The following DPYS variants were observed in gnomAD, a reference collection of about 807,000 sequenced individuals.
The protein encoded by DPYS is dihydropyrimidine amidohydrolase.
DPYS carries 39 observed loss-of-function variants against 50.3 expected under a neutral mutation model. The ratio of observed to expected loss-of-function variants is 0.78; its 90% CI spans 0.60 to 1.01. The LOEUF (loss-of-function observed/expected upper bound fraction) is 1.01. Ranked by LOEUF, DPYS falls within the 50% of genes least tolerant of loss-of-function variation. The pLI is 0.00. For missense variants in DPYS, 659 were observed against 680.9 expected, an observed-to-expected ratio of 0.97 and a Z score of 0.36; for synonymous variants, 245 against 250.7, an observed-to-expected ratio of 0.98 and a Z score of 0.22.
At chr8:104,419,809 T>C (rs1295483162) in intron 7 of DPYS, 2 of 152,100 alleles carry the variant, frequency 1.3e-5, no homozygotes, top group African/African-American at 2.4e-5. Flanking sequence ...GACCACTAAA[T>C]GTAATATTAA....
At chr8:104,407,597 C>T (rs1009691665) in intron 7 of DPYS, among the ~76,000 whole-genome samples, 2 of 152,180 alleles carry the variant, frequency 1.3e-5, no homozygotes, top group South Asian at 2.1e-4. Flanking sequence ...TTCTTTTAGG[C>T]CATGCATACA....
At chr8:104,393,339 C>T (rs1027902771) in intron 7 of DPYS, among the ~76,000 whole-genome samples, 41 of 152,004 alleles carry the variant, frequency 2.7e-4, no homozygotes, top group African/African-American at 8.0e-4. Flanking sequence ...TATTTTTAAA[C>T]GCAGATGACT....
intron 8 of DPYS, among the ~76,000 whole-genome samples, chr8:104,386,406 G>T (rs756844062): frequency 8.6e-5 from 13 of 151,664 alleles, no homozygotes; most frequent in Non-Finnish European, 1.8e-4. Flanking sequence ...GGTGGCCTAC[G>T]CCTGTAGTCC....
chr8:104,453,926 G>A (rs1423044557), intron 1 of DPYS, among the ~76,000 whole-genome samples: 1 of 152,220 alleles, frequency 6.6e-6, no homozygotes, highest in Non-Finnish European at 1.5e-5. Flanking sequence ...GATGCTAAGT[G>A]AGAAAAGCTA....
chr8:104,453,703 AG>A (rs1813832956), intron 1 of DPYS, among the ~76,000 whole-genome samples: 1 of 152,264 alleles, frequency 6.6e-6, no homozygotes, highest in Admixed American at 6.5e-5. Context: ...CCTATAGCCA[AG>A]AGAAATGAAA....
At chr8:104,442,066 T>C (rs994676325) in intron 4 of DPYS, among the ~76,000 whole-genome samples, 4 of 152,196 alleles carry the variant, frequency 2.6e-5, no homozygotes, top group African/African-American at 9.6e-5. Flanking sequence ...ATAAAAATCA[T>C]TACTTATACT....
At chr8:104,388,644 A>G (rs959873317) in intron 8 of DPYS, among the ~76,000 whole-genome samples, 2 of 152,150 alleles carry the variant, frequency 1.3e-5, no homozygotes, top group Non-Finnish European at 2.9e-5. Context: ...AAGTTGAAAT[A>G]TATTCTATTA....
Position 104,395,855 on chromosome 8 carries a change from A to G in DPYS, c.1236-2864T>C, listed in dbSNP as rs1811567359. ...TTTAAGTGTATGCTGCAGCAAAAAA[A>G]AAAAAAGAGCTTTCAGTGACCTTAG... On this transcript the variant is annotated intron_variant, in intron 7 of 9. Transcript: ENST00000351513. Among the ~76,000 whole-genome samples the G allele has an allele frequency of 2.0e-5, 3 of 152,300 alleles. No homozygotes were observed. The South Asian group carries it at 6.2e-4, about 32-fold the overall frequency.
At chr8:104,429,939 T>C (rs1395439665) in intron 4 of DPYS, among the ~76,000 whole-genome samples, 1 of 152,194 alleles carries the variant, frequency 6.6e-6, no homozygotes, top group African/African-American at 2.4e-5. Flanking sequence ...TCCATTTTTA[T>C]GGCCATATAA....
At chr8:104,464,904 G>A (rs1814305339) in intron 1 of DPYS, among the ~76,000 whole-genome samples, 1 of 152,096 alleles carries the variant, frequency 6.6e-6, no homozygotes, top group Middle Eastern at 3.2e-3. Flanking sequence ...TTACTTTTTA[G>A]CAAAAGGGAA....
intron 4 of DPYS, among the ~76,000 whole-genome samples, chr8:104,440,511 C>T (rs895681830): frequency 3.9e-5 from 6 of 152,130 alleles, no homozygotes; most frequent in Non-Finnish European, 5.9e-5. Flanking sequence ...GTGATCCACC[C>T]GCCCCGGCCT....
Position 104,433,961 on chromosome 8 carries a change from C to G in DPYS, c.794-4260G>C, listed in dbSNP as rs1273630299. Among the ~76,000 whole-genome samples, 5 of 152,172 alleles carry G rather than the reference C, an allele frequency of 3.3e-5. No homozygotes were observed. The East Asian group carries it at 9.7e-4, about 29-fold the overall frequency. On this transcript the variant is annotated intron_variant, in intron 4 of 9. Transcript: ENST00000351513. ...TGTAAAATATTTGAAGAGATTCATT[C>G]TAAGGCAAATATGAGTAACCAATGG...
chr8:104,436,863 C>T (rs978744443), intron 4 of DPYS, among the ~76,000 whole-genome samples: 1 of 151,352 alleles, frequency 6.6e-6, no homozygotes, highest in Non-Finnish European at 1.5e-5. Context: ...AATAAAGTAC[C>T]AAATTATTTT....
At chr8:104,426,239 G>T (rs2140630151) in intron 6 of DPYS, among the ~76,000 whole-genome samples, 1 of 152,250 alleles carries the variant, frequency 6.6e-6, no homozygotes, top group African/African-American at 2.4e-5. Flanking sequence ...CAAGTAAAGG[G>T]TTTTTGAGAG....
intron 8 of DPYS, among the ~76,000 whole-genome samples, chr8:104,389,277 T>C (rs1318465292): frequency 6.6e-6 from 1 of 152,216 alleles, no homozygotes; most frequent in Non-Finnish European, 1.5e-5. Context: ...ATCTGAATAT[T>C]TGAAATGAAA....
chr8:104,394,340 T>A (rs1811506272), intron 7 of DPYS, among the ~76,000 whole-genome samples: 1 of 152,122 alleles, frequency 6.6e-6, no homozygotes, highest in Admixed American at 6.6e-5. Context: ...AATCCCAACA[T>A]GCTCAGACAG....
At chr8:104,382,256 G>C (rs1811077004) in intron 8 of DPYS, among the ~76,000 whole-genome samples, 1 of 152,122 alleles carries the variant, frequency 6.6e-6, no homozygotes, top group Admixed American at 6.6e-5. Flanking sequence ...ACTGCATCGG[G>C]TGTGCACTGA....
intron 1 of DPYS, among the ~76,000 whole-genome samples, chr8:104,456,459 A>G (rs985740980): frequency 3.3e-5 from 5 of 152,178 alleles, no homozygotes; most frequent in African/African-American, 9.7e-5. Flanking sequence ...CCACCTTCCT[A>G]ATTAACTAGG....
At chr8:104,416,106 C>T (rs1357960219) in intron 7 of DPYS, among the ~76,000 whole-genome samples, 1 of 152,008 alleles carries the variant, frequency 6.6e-6, no homozygotes, top group Non-Finnish European at 1.5e-5. Context: ...AATGATATAC[C>T]CAAGGTCACA....
Sources: allele counts gnomAD v4.1 joint callset (sites outside exome capture counted in the v4.1 genomes callset), GRCh38; gene constraint gnomAD v4.1.1; transcripts MANE v1.5; gene names NCBI Gene and HGNC (gene_info 2026-07-23, HGNC 2026-07-21).